Variants in NID1 observed in about 807,000 individuals in gnomAD.
NID1 encodes the protein nidogen-1.
NID1 carries 76 observed loss-of-function variants against 130.6 expected under a neutral mutation model. The observed-to-expected ratio is 0.58, with a 90% CI of 0.48 to 0.70. The LOEUF is 0.70. NID1 is among the 30% of genes least tolerant of loss of function. The pLI is 0.00. For synonymous variants in NID1, 665 were observed against 675.1 expected (o/e 0.98, Z 0.23); for missense variants, 1,517 against 1,664.8 (o/e 0.91, Z 1.54).
At chr1:235,985,650 G>T in intron 14 of NID1, 145 bp from the exon 15 acceptor site, 1 of 923,404 alleles carries the variant, frequency 1.1e-6, no homozygotes, top group Non-Finnish European at 1.6e-6. Flanking sequence ...TTATTGAGTT[G>T]TAGGAGTTGT....
chr1:236,007,733 A>G (rs1424521548), intron 12 of NID1, among the ~76,000 whole-genome samples: 1 of 152,170 alleles, frequency 6.6e-6, no homozygotes, highest in Non-Finnish European at 1.5e-5. Context: ...CTTCTTTGCC[A>G]TCACAGAAGA....
chr1:235,983,665 C>G (rs1657499129), intron 15 of NID1, among the ~76,000 whole-genome samples: 1 of 152,170 alleles, frequency 6.6e-6, no homozygotes, highest in Admixed American at 6.5e-5. Flanking sequence ...CGATCTCAAA[C>G]CCAAGAGCAA....
Position 236,029,622 on chromosome 1 carries a change from C to G in NID1, c.1666G>C (p.Val556Leu). 3 of 1,607,316 alleles carry G rather than the reference C, an allele frequency of 1.9e-6. No individual in the cohort carries two copies. The highest frequency in any genetic ancestry group is 2.5e-6 in the Non-Finnish European group (3 of 1,177,176). Residue 556 changes from valine (V) to leucine (L), a missense_variant, in exon 7 of 20, where the codon GTG (valine) becomes CTG (leucine). Physicochemically the swap from Val to Leu is conservative, Grantham distance 32. This residue lies in a region of NID1 where 1,329 missense variants were observed against 1,429.2 expected (regional missense o/e 0.93). Coordinates refer to ENST00000264187, the MANE Select transcript of NID1 (RefSeq NM_002508.3). ...GAGGAGCCGAACGGAATCTGCGGCA[C>G]GCGGCCCTCCAGCTCCGTGTCGATG... ...LTIDTELEGR[V>L]PQIPFGSSVH...
chr1:235,994,288 G>C (rs1204583814), intron 12 of NID1, among the ~76,000 whole-genome samples: 1 of 152,032 alleles, frequency 6.6e-6, no homozygotes, highest in Non-Finnish European at 1.5e-5. Context: ...TCAGCCTCCT[G>C]AGTAGCTGGG....
intron 4 of NID1, 62 bp from the exon 5 acceptor site, chr1:236,038,315 C>G (rs1659324555): frequency 3.8e-6 from 6 of 1,560,722 alleles, no homozygotes; most frequent in African/African-American, 2.7e-5. Flanking sequence ...CCGGTGGGCT[C>G]TCTCATCTAG....
intron 15 of NID1, among the ~76,000 whole-genome samples, chr1:235,983,116 C>A (rs1053742870): frequency 2.0e-5 from 3 of 152,184 alleles, no homozygotes; most frequent in South Asian, 2.1e-4. Flanking sequence ...CTCAAGTGAT[C>A]CCCCGCCTTG....
intron 1 of NID1, among the ~76,000 whole-genome samples, chr1:236,053,742 A>G (rs181820685): frequency 6.6e-6 from 1 of 152,232 alleles, no homozygotes; most frequent in East Asian, 1.9e-4. Context: ...TCTGATACAT[A>G]TGAGTCTCCC....
chr1:235,977,003 T>G lies in NID1; in HGVS notation c.*864A>C, dbSNP rs1389774310. The G allele has an allele frequency of 6.6e-6, 1 of 152,166 alleles. No individual in the cohort carries two copies. Among genetic ancestry groups the G allele is most frequent in the African/African-American group, 2.4e-5 (1 of 41,446 alleles). 9.4% of individuals were successfully genotyped at this position (152,166 alleles called of 1,614,324 possible). A position where few individuals can be genotyped will look rare whatever the true frequency, so the allele number is the denominator to read the frequency against. ...TAAAGACCAGCACAGCAACAGAGAC[T>G]AGAACCTTGGATGCAAGTATTTTGG... On this transcript the variant is annotated 3_prime_UTR_variant, in exon 20 of 20. Transcript: ENST00000264187.
At chr1:235,988,820 GTA>G (rs1238749908) in intron 14 of NID1, among the ~76,000 whole-genome samples, 1 of 152,124 alleles carries the variant, frequency 6.6e-6, no homozygotes, top group Admixed American at 6.5e-5. Context: ...AAAGTCAAAA[GTA>G]TAAGGGCAGT....
At chr1:236,023,871 C>T (rs1317537313) in intron 9 of NID1, among the ~76,000 whole-genome samples, 199 bp downstream of exon 9, 1 of 152,170 alleles carries the variant, frequency 6.6e-6, no homozygotes, top group Non-Finnish European at 1.5e-5. Context: ...CTTAATCAGA[C>T]AAAAGAATGG....
chr1:236,042,359 AGAG>A, intron 3 of NID1, 67 bp from the exon 4 acceptor site: 1 of 1,546,080 alleles, frequency 6.5e-7, no homozygotes. Context: ...CTACCCAAGC[AGAG>A]GGAGCCCTGA....
At chr1:236,018,544 T>C (rs530308463) in intron 9 of NID1, among the ~76,000 whole-genome samples, 29 of 152,324 alleles carry the variant, frequency 1.9e-4, no homozygotes, top group African/African-American at 6.3e-4. Flanking sequence ...GGCAAGAAAC[T>C]GAGCTAACCT....
At chr1:236,045,731 T>C (rs757017422) in intron 2 of NID1, 48 bp from the exon 3 acceptor site, 2 of 1,399,604 alleles carry the variant, frequency 1.4e-6, no homozygotes, top group Non-Finnish European at 2.0e-6. Flanking sequence ...TATCGATAGA[T>C]TTTAAAATGT....
rs374687220 is a variant in NID1 at position 236,033,074 on chromosome 1, G to A, written c.1286-422C>T. On this transcript the variant is annotated intron_variant, in intron 5 of 19. Coordinates refer to ENST00000264187, the MANE Select transcript of NID1 (RefSeq NM_002508.3). ...TGTAATCCCAGCACTTTGGGAGGCC[G>A]AGGCAGGCAGATCACCTGAGGTCAG... Among the ~76,000 whole-genome samples, 24 of 152,296 alleles carry A rather than the reference G, an allele frequency of 1.6e-4. No homozygotes were observed. In the East Asian group the frequency reaches 2.9e-3, roughly 18 times the overall value.
At chr1:236,038,313 C>G (rs766159554) in intron 4 of NID1, 60 bp from the exon 5 acceptor site, 4 of 1,566,008 alleles carry the variant, frequency 2.6e-6, no homozygotes, top group South Asian at 1.2e-5. Flanking sequence ...GCCCGGTGGG[C>G]TCTCTCATCT....
chr1:235,993,934 G>C, intron 12 of NID1, 62 bp from the exon 13 acceptor site: 1 of 1,503,056 alleles, frequency 6.7e-7, no homozygotes, highest in Non-Finnish European at 9.1e-7. Flanking sequence ...GCTCCCTGGC[G>C]GGGCTGCAGG....
intron 9 of NID1, among the ~76,000 whole-genome samples, chr1:236,023,531 G>A (rs1658828522): frequency 1.3e-5 from 2 of 152,202 alleles, no homozygotes; most frequent in Admixed American, 1.3e-4. Flanking sequence ...GAGATGAACA[G>A]TGGTGATGGT....
Position 236,048,695 on chromosome 1 carries a change from C to G in NID1, c.520G>C (p.Gly174Arg), listed in dbSNP as rs765549848. 6.2e-7 allele frequency: 1 copy of G among 1,608,630 alleles called. No homozygotes were observed. Among genetic ancestry groups the G allele is most frequent in the Non-Finnish European group, 8.5e-7 (1 of 1,179,108 alleles). ...QGPSRDPDQK[G>R]KRNTFQAVLA... The stretch of plus-strand genomic sequence containing the variant: ...GGACCTGGAGGGGAGCTTACCTTGC[C>G]TTTCTGGTCTGGGTCCCTGCTGGGC... The change falls in exon 2 of 20, where the codon GGC becomes CGC. Residue 174 changes from glycine (G) to arginine (R), a missense_variant. By Grantham distance (125) the Gly-to-Arg change is moderately radical (BLOSUM62 -2). This residue lies in a region of NID1 where 1,329 missense variants were observed against 1,429.2 expected (regional missense o/e 0.93). Coordinates refer to ENST00000264187, the MANE Select transcript of NID1 (RefSeq NM_002508.3).
intron 5 of NID1, among the ~76,000 whole-genome samples, chr1:236,037,107 A>G (rs1659282514): frequency 1.3e-5 from 2 of 152,186 alleles, no homozygotes; most frequent in African/African-American, 4.8e-5. Flanking sequence ...TCTCCTGACC[A>G]TCTGCAAGCA....
Sources: allele counts gnomAD v4.1 joint callset (sites outside exome capture counted in the v4.1 genomes callset), GRCh38; gene constraint gnomAD v4.1.1; regional missense constraint gnomAD v4.1.1; transcripts MANE v1.5; gene names NCBI Gene and HGNC (gene_info 2026-07-23, HGNC 2026-07-21).